The following TRPM3 variants were observed in gnomAD, a reference collection of about 807,000 sequenced individuals.
TRPM3 encodes long transient receptor potential channel 3.
A neutral mutation model predicts 181.2 loss-of-function variants in TRPM3; 77 were observed. The ratio of observed to expected loss-of-function variants is 0.42; its 90% CI spans 0.35 to 0.51. The LOEUF (loss-of-function observed/expected upper bound fraction) is 0.51. Ranked by LOEUF, TRPM3 falls within the 20% of genes least tolerant of loss-of-function variation. TRPM3 has a pLI of 0.01. For synonymous variants in TRPM3, 745 were observed against 796.4 expected, an observed-to-expected ratio of 0.94 and a Z score of 1.09; for missense variants, 1,759 against 2,196.7, an observed-to-expected ratio of 0.80 and a Z score of 3.98.
chr9:70,829,026 T>C (rs994110519), intron 5 of TRPM3, among the ~76,000 whole-genome samples: 53 of 152,242 alleles, frequency 3.5e-4, no homozygotes, highest in African/African-American at 1.2e-3. Context: ...CTCAAGACTA[T>C]AGAAAGAGAA....
rs1161823362 is a variant in TRPM3, at chr9:70,669,742, CTTTTCTT to C, written c.1345+11757_1345+11763del. On this transcript the variant is annotated intron_variant, in intron 9 of 25. Coordinates refer to ENST00000677713, the MANE Select transcript of TRPM3 (RefSeq NM_001366145.2). ...TTTTCTTTTCTTTCTTTCTTTCTTT[CTTTTCTT>C]TTTTTTTTTTTTGAGACAGCATCTC... is the stretch of plus-strand genomic sequence containing the variant. Among the ~76,000 whole-genome samples the C allele has an allele frequency of 2.3e-3, 311 of 136,732 alleles. 1 individual carries two copies. The highest frequency in any genetic ancestry group is 8.5e-3 in the African/African-American group (293 of 34,454). The allele number at this position is 136,732 out of a possible 152,430, so 89.7% of individuals were successfully genotyped here. A position where few individuals can be genotyped will look rare whatever the true frequency, so the allele number is the denominator to read the frequency against.
At chr9:70,846,357 C>A (rs1471217904) in intron 4 of TRPM3, 21 bp downstream of exon 4, 1 of 1,607,058 alleles carries the variant, frequency 6.2e-7, no homozygotes, top group South Asian at 1.1e-5. Context: ...TGTTGACTTT[C>A]TCTGTTCCAC....
chr9:70,923,803 ACTCTCTCTCTCT>A (rs769200720), intron 1 of TRPM3, among the ~76,000 whole-genome samples: 8 of 143,444 alleles, frequency 5.6e-5, no homozygotes, highest in African/African-American at 7.7e-5. Flanking sequence ...ACACACACAC[ACTCTCTCTCTCT>A]CTCTCTCTCT....
At chr9:71,209,424 CTTCTT>C (rs1412192282) in intron 1 of TRPM3, among the ~76,000 whole-genome samples, 1 of 151,724 alleles carries the variant, frequency 6.6e-6, no homozygotes, top group Non-Finnish European at 1.5e-5. Context: ...GAGAGACTGA[CTTCTT>C]TTCTTCTCTA....
chr9:70,801,532 A>G (rs1354372824), intron 6 of TRPM3, among the ~76,000 whole-genome samples: 1 of 152,194 alleles, frequency 6.6e-6, no homozygotes, highest in African/African-American at 2.4e-5. Context: ...GTTCTAGCAT[A>G]TCCTTGATGG....
Position 70,839,615 on chromosome 9 carries a change from G to A in TRPM3, c.801+3388C>T, listed in dbSNP as rs116656384. Among the ~76,000 whole-genome samples, 1,515 of 152,168 alleles carry A rather than the reference G, an allele frequency of 1.0e-2. 30 individuals carry two copies. The highest frequency in any genetic ancestry group is 0.035 in the African/African-American group (1,447 of 41,530). ...CCATCAGTTTGGAAATAAATTTACT[G>A]CAATAAAATATCAGGCATAAGAAAT... On this transcript the variant is annotated intron_variant, in intron 5 of 25. Transcript: ENST00000677713.
intron 1 of TRPM3, among the ~76,000 whole-genome samples, chr9:71,378,605 A>C (rs755033998): frequency 4.6e-5 from 7 of 152,060 alleles, no homozygotes; most frequent in Non-Finnish European, 2.9e-5. Flanking sequence ...CTCCAACTTT[A>C]TTCTTTCTTG....
intron 9 of TRPM3, among the ~76,000 whole-genome samples, chr9:70,678,800 G>A (rs2064695047): frequency 6.6e-6 from 1 of 152,338 alleles, no homozygotes; most frequent in Middle Eastern, 3.4e-3. Flanking sequence ...TTCAAAAAAA[G>A]TAGGAAGAAT....
At chr9:71,339,279 C>A (rs949844405) in intron 1 of TRPM3, among the ~76,000 whole-genome samples, 1 of 152,108 alleles carries the variant, frequency 6.6e-6, no homozygotes, top group Non-Finnish European at 1.5e-5. Flanking sequence ...AATTCATAAA[C>A]TTAATGTGAT....
intron 1 of TRPM3, among the ~76,000 whole-genome samples, chr9:71,090,608 A>G (rs2066041229): frequency 6.6e-6 from 1 of 152,140 alleles, no homozygotes; most frequent in Admixed American, 6.6e-5. Context: ...GTGGGACAAC[A>G]GCTTTTCTTG....
At chr9:70,654,098 GT>G (rs2059954500) in intron 9 of TRPM3, among the ~76,000 whole-genome samples, 1 of 151,568 alleles carries the variant, frequency 6.6e-6, no homozygotes, top group Non-Finnish European at 1.5e-5. Flanking sequence ...CTTGGAAGTT[GT>G]TGTTTAAGGA....
At chr9:71,222,818 A>G (rs999131585) in intron 1 of TRPM3, among the ~76,000 whole-genome samples, 1 of 152,098 alleles carries the variant, frequency 6.6e-6, no homozygotes, top group African/African-American at 2.4e-5. Context: ...ACCAGGCAGG[A>G]CTCAGCTGAT....
intron 1 of TRPM3, among the ~76,000 whole-genome samples, chr9:71,318,541 G>C (rs1302621570): frequency 6.6e-6 from 1 of 152,076 alleles, no homozygotes; most frequent in African/African-American, 2.4e-5. Context: ...CTAGATAAGA[G>C]GAAGGAGACC....
At chr9:71,190,854 G>A (rs537058567) in intron 1 of TRPM3, among the ~76,000 whole-genome samples, 1 of 151,854 alleles carries the variant, frequency 6.6e-6, no homozygotes, top group South Asian at 2.1e-4. Context: ...TAAAGAATGT[G>A]TTCAAATTCC....
intron 1 of TRPM3, among the ~76,000 whole-genome samples, chr9:70,911,563 C>A (rs1215563696): frequency 6.6e-6 from 1 of 152,174 alleles, no homozygotes. Flanking sequence ...TAAACATGAA[C>A]TCATGACATT....
Position 70,599,430 on chromosome 9 carries a change from G to A in TRPM3, c.2797-760C>T, listed in dbSNP as rs546645267. 2.2e-4 allele frequency among the ~76,000 whole-genome samples: 33 copies of A among 152,154 alleles called. 1 individual carries two copies. The highest frequency in any genetic ancestry group is 4.1e-4 in the Non-Finnish European group (28 of 68,008). On this transcript the variant is annotated intron_variant, in intron 20 of 25. Transcript: ENST00000677713. ...AACAACAACAACAACAGAAACTAAA[G>A]CAAATGATCATAATTGTATGCTTAA...
chr9:70,564,089 G>A (rs1469178037), intron 22 of TRPM3, among the ~76,000 whole-genome samples: 1 of 152,198 alleles, frequency 6.6e-6, no homozygotes, highest in Non-Finnish European at 1.5e-5. Flanking sequence ...TGAGAAGGGA[G>A]AGGGAAGCTC....
At chr9:71,317,649 A>G (rs151287981) in intron 1 of TRPM3, among the ~76,000 whole-genome samples, 3,673 of 146,680 alleles carry the variant, frequency 0.025, 140 homozygotes, top group African/African-American at 0.085. Context: ...TCAAAAAAAA[A>G]AAAAAGAAAA....
At chr9:71,424,656 GT>G (rs1404717018) in intron 1 of TRPM3, among the ~76,000 whole-genome samples, 1 of 152,012 alleles carries the variant, frequency 6.6e-6, no homozygotes, top group African/African-American at 2.4e-5. Flanking sequence ...CCTTCTCTCA[GT>G]TTGTATTTTA....
Sources: allele counts gnomAD v4.1 joint callset (sites outside exome capture counted in the v4.1 genomes callset), GRCh38; gene constraint gnomAD v4.1.1; transcripts MANE v1.5; gene names NCBI Gene and HGNC (gene_info 2026-07-23, HGNC 2026-07-21).